PDE11A: variants seen among roughly 807,000 people sequenced by gnomAD.
PDE11A encodes the protein phosphodiesterase 11A.
In PDE11A, 100 loss-of-function variants were observed where a neutral mutation model predicts 100.5. The ratio of observed to expected loss-of-function variants is 1.00; its 90% CI spans 0.85 to 1.18. PDE11A has a LOEUF of 1.18. PDE11A is among the 50% of genes most tolerant of loss of function. The probability of loss-of-function intolerance (pLI) is 0.00; values close to 1 mark genes in which losing one functional copy is unlikely to be tolerated. For synonymous variants in PDE11A, 381 were observed against 420.8 expected (o/e 0.91, Z 1.16); for missense variants, 1,141 against 1,152.6 (o/e 0.99, Z 0.15).
chr2:178,072,007 C>T lies in PDE11A; in HGVS notation c.431G>A (p.Arg144Gln). ...TACACTACTCAGGGGTTCCTGAGCC[C>T]GGGAGGTCACCTGTTCATCGTAGGT... ...NRTYDEQVTS[R>Q]AQEPLSSVRR... is the part of the protein sequence containing the mutation. Residue 144 changes from arginine to glutamine, a missense_variant, in exon 1 of 20, where the codon CGG becomes CAG. Arg to Gln is a conservative substitution (Grantham distance 43). Coordinates refer to ENST00000286063, the MANE Select transcript of PDE11A (RefSeq NM_016953.4). 6.2e-7 allele frequency: 1 copy of T among 1,613,992 alleles called. No individual in the cohort carries two copies. The highest frequency in any genetic ancestry group is 1.1e-5 in the South Asian group (1 of 91,066).
At chr2:177,711,670 G>T in intron 13 of PDE11A, 99 bp downstream of exon 13, 1 of 757,404 alleles carries the variant, frequency 1.3e-6, no homozygotes, top group South Asian at 1.5e-5. Context: ...CCTTGGCCTC[G>T]GATGCCAGAA....
Position 177,625,164 on chromosome 2 carries a change from G to A in PDE11A, c.*4243C>T, listed in dbSNP as rs1003350284. On this transcript the variant is annotated 3_prime_UTR_variant, in exon 20 of 20. Transcript: ENST00000286063. ...CAAGATACATCTGTAGTATGATTGT[G>A]CTTACATCTACCCCATATATGTAAG... The A allele has an allele frequency of 4.6e-5, 7 of 152,722 alleles. No homozygotes were observed. Among genetic ancestry groups the A allele is most frequent in the African/African-American group, 1.4e-4 (6 of 41,562 alleles). 9.5% of individuals were successfully genotyped at this position (152,722 alleles called of 1,614,324 possible).
chr2:177,662,076 C>T (rs971444581), intron 19 of PDE11A, among the ~76,000 whole-genome samples: 10 of 152,174 alleles, frequency 6.6e-5, no homozygotes, highest in African/African-American at 2.2e-4. Flanking sequence ...GATAATATTA[C>T]TCCCTAAATT....
At chr2:178,061,764 A>C (rs938049783) in intron 1 of PDE11A, among the ~76,000 whole-genome samples, 4 of 152,206 alleles carry the variant, frequency 2.6e-5, no homozygotes, top group Non-Finnish European at 5.9e-5. Context: ...CAAGGTAGTC[A>C]CAAGAAATGA....
chr2:177,881,382 T>TCTATCTA (rs2084339416), intron 4 of PDE11A, among the ~76,000 whole-genome samples: 1 of 150,128 alleles, frequency 6.7e-6, no homozygotes. Flanking sequence ...TATCTATCTA[T>TCTATCTA]CTATCCATCT....
intron 6 of PDE11A, among the ~76,000 whole-genome samples, chr2:177,822,325 G>A (rs1271205309): frequency 6.6e-6 from 1 of 151,780 alleles, no homozygotes; most frequent in East Asian, 1.9e-4. Flanking sequence ...AGTTGATCCA[G>A]CACTGTTTTG....
chr2:177,922,207 C>G (rs1007743983), intron 2 of PDE11A, among the ~76,000 whole-genome samples: 7 of 152,134 alleles, frequency 4.6e-5, no homozygotes, highest in Admixed American at 6.6e-5. Flanking sequence ...GTTTATATTT[C>G]TAACCCAGGT....
intron 2 of PDE11A, among the ~76,000 whole-genome samples, chr2:178,097,023 A>G (rs1455413783): frequency 6.6e-6 from 1 of 152,066 alleles, no homozygotes; most frequent in Non-Finnish European, 1.5e-5. Flanking sequence ...AGTAGCTGGG[A>G]CTATAGGCAC....
intron 2 of PDE11A, among the ~76,000 whole-genome samples, chr2:177,942,687 G>A (rs1386440240): frequency 6.6e-6 from 1 of 152,056 alleles, no homozygotes; most frequent in Non-Finnish European, 1.5e-5. Flanking sequence ...ATAGGAATGA[G>A]CCACCGCACC....
intron 2 of PDE11A, among the ~76,000 whole-genome samples, chr2:178,079,410 G>A (rs115304436): frequency 0.039 from 5,978 of 151,992 alleles, 187 homozygotes; most frequent in South Asian, 0.06. Flanking sequence ...CTATTCCTGC[G>A]TTAGTTTGCT....
At chr2:178,080,958 T>C (rs2087277440) in intron 2 of PDE11A, among the ~76,000 whole-genome samples, 1 of 152,132 alleles carries the variant, frequency 6.6e-6, no homozygotes, top group African/African-American at 2.4e-5. Flanking sequence ...TCATAAAACA[T>C]TTATAATGTT....
chr2:177,934,822 A>G (rs918800782), intron 2 of PDE11A, among the ~76,000 whole-genome samples: 2 of 152,240 alleles, frequency 1.3e-5, no homozygotes, highest in African/African-American at 4.8e-5. Context: ...GGGTGAGGGC[A>G]TGTCCTTTGC....
At chr2:177,849,842 C>T (rs1215625885) in intron 5 of PDE11A, among the ~76,000 whole-genome samples, 2 of 151,380 alleles carry the variant, frequency 1.3e-5, no homozygotes, top group East Asian at 3.9e-4. Flanking sequence ...TGTGAAGGAC[C>T]TCTTCAAGGA....
chr2:178,089,754 G>A (rs2087398439), intron 2 of PDE11A, among the ~76,000 whole-genome samples: 1 of 152,172 alleles, frequency 6.6e-6, no homozygotes, highest in South Asian at 2.1e-4. Flanking sequence ...TAGATCAGCA[G>A]AGCAAGTACT....
intron 5 of PDE11A, among the ~76,000 whole-genome samples, chr2:177,846,538 C>G (rs985501906): frequency 1.3e-5 from 2 of 152,198 alleles, no homozygotes; most frequent in South Asian, 2.1e-4. Context: ...TCACCTCCCC[C>G]TGATTTATGA....
intron 10 of PDE11A, among the ~76,000 whole-genome samples, chr2:177,740,889 G>A (rs1351065321): frequency 6.6e-6 from 1 of 152,190 alleles, no homozygotes; most frequent in Non-Finnish European, 1.5e-5. Context: ...ATAAATGTGG[G>A]TTGGTGGGAT....
At chr2:177,755,244 CT>C (rs2082076019) in intron 10 of PDE11A, among the ~76,000 whole-genome samples, 1 of 152,198 alleles carries the variant, frequency 6.6e-6, no homozygotes, top group African/African-American at 2.4e-5. Context: ...GGGGTCACCC[CT>C]GATTCTACTT....
intron 2 of PDE11A, among the ~76,000 whole-genome samples, chr2:178,007,835 GC>G (rs1335116301): frequency 6.6e-6 from 1 of 152,060 alleles, no homozygotes; most frequent in Non-Finnish European, 1.5e-5. Flanking sequence ...CTCCCAAGTA[GC>G]TGGGATTACA....
rs375234348 is a variant in PDE11A at position 177,669,454 on chromosome 2, C to T, written c.2562+39G>A. ...TGGAGTTCTTTTTGAAAATGTCATT[C>T]AAAAGGGTAAATACGTTATAATTAA... On this transcript the variant is annotated intron_variant, in intron 18 of 19. Coordinates refer to ENST00000286063, the MANE Select transcript of PDE11A (RefSeq NM_016953.4). 15 of 855,638 alleles carry T rather than the reference C, an allele frequency of 1.8e-5. No homozygotes were observed. The African/African-American group carries it at 2.3e-4, about 13-fold the overall frequency. The allele number at this position is 855,638 out of a possible 1,614,324, so 53.0% of individuals were successfully genotyped here.
Sources: allele counts gnomAD v4.1 joint callset (sites outside exome capture counted in the v4.1 genomes callset), GRCh38; gene constraint gnomAD v4.1.1; transcripts MANE v1.5; gene names NCBI Gene and HGNC (gene_info 2026-07-23, HGNC 2026-07-21).